Variants in LINGO2 observed in about 807,000 individuals in gnomAD.
The protein encoded by LINGO2 is leucine-rich repeat and immunoglobulin-like domain-containing nogo receptor-interacting protein 2.
LINGO2 carries 14 observed loss-of-function variants against 30.6 expected under a neutral mutation model. The ratio of observed to expected loss-of-function variants is 0.46; its 90% CI spans 0.30 to 0.72. LINGO2 has a LOEUF of 0.72. LINGO2 is among the 30% of genes least tolerant of loss of function. The pLI, the probability that LINGO2 is intolerant of heterozygous loss-of-function variation, is 0.07. For missense variants in LINGO2, 729 were observed against 751.7 expected, an observed-to-expected ratio of 0.97 and a Z score of 0.35; for synonymous variants, 317 against 288.5, an observed-to-expected ratio of 1.10 and a Z score of -1.00.
chr9:28,529,967 T>C (rs1471085992), intron 1 of LINGO2, among the ~76,000 whole-genome samples: 2 of 152,044 alleles, frequency 1.3e-5, no homozygotes, highest in Non-Finnish European at 2.9e-5. Flanking sequence ...CTCTCTAACA[T>C]AAGGGGATAA....
chr9:29,015,475 C>A, the LINGO2 span, among the ~76,000 whole-genome samples: 1 of 152,060 alleles, frequency 6.6e-6, no homozygotes, highest in Non-Finnish European at 1.5e-5. Flanking sequence ...CCACTCAATT[C>A]AGCCACTTTA....
intron 2 of LINGO2, among the ~76,000 whole-genome samples, chr9:28,473,724 A>T (rs989515074): frequency 2.0e-4 from 31 of 152,236 alleles, no homozygotes; most frequent in African/African-American, 7.2e-4. Flanking sequence ...TCTCTACATT[A>T]CTTAAGGCCA....
At chr9:29,177,606 C>G in the LINGO2 span, among the ~76,000 whole-genome samples, 216 of 152,224 alleles carry the variant, frequency 1.4e-3, no homozygotes, top group Non-Finnish European at 2.4e-3. Context: ...AAATCCAAGA[C>G]TTGAAAAATA....
At chr9:28,096,951 T>TA (rs1247116974) in intron 4 of LINGO2, among the ~76,000 whole-genome samples, 2 of 151,946 alleles carry the variant, frequency 1.3e-5, no homozygotes, top group Non-Finnish European at 2.9e-5. Flanking sequence ...AAGCACATGA[T>TA]AAAAAGGAAC....
chr9:28,019,224 C>T (rs1480691867), intron 4 of LINGO2, among the ~76,000 whole-genome samples: 1 of 151,722 alleles, frequency 6.6e-6, no homozygotes, highest in African/African-American at 2.4e-5. Context: ...CCGTGACATG[C>T]AGTTTGCTAA....
At chr9:28,507,374 C>T (rs1017822127) in intron 1 of LINGO2, among the ~76,000 whole-genome samples, 4 of 152,084 alleles carry the variant, frequency 2.6e-5, no homozygotes, top group Admixed American at 6.6e-5. Flanking sequence ...GAAACTGGAG[C>T]GGTGATGAAG....
the LINGO2 span, among the ~76,000 whole-genome samples, chr9:28,906,965 C>A: frequency 1.3e-5 from 2 of 151,878 alleles, no homozygotes; most frequent in African/African-American, 4.8e-5. Flanking sequence ...TAATACAGAG[C>A]AGAACAAAAC....
chr9:29,174,116 TA>T, the LINGO2 span, among the ~76,000 whole-genome samples: 845 of 146,102 alleles, frequency 5.8e-3, 11 homozygotes, highest in African/African-American at 0.017. Flanking sequence ...ATGCTTTGTC[TA>T]AAAAAAAAAA....
the LINGO2 span, among the ~76,000 whole-genome samples, chr9:29,025,725 C>T: frequency 6.6e-6 from 1 of 152,130 alleles, no homozygotes; most frequent in Admixed American, 6.6e-5. Context: ...CCATAGTCAC[C>T]ATGTTGTGTA....
intron 3 of LINGO2, among the ~76,000 whole-genome samples, chr9:28,368,698 A>G (rs541525368): frequency 6.7e-5 from 10 of 149,914 alleles, no homozygotes; most frequent in South Asian, 2.1e-4. Flanking sequence ...CCGAGTTCAC[A>G]CCATTCTCCT....
the LINGO2 span, among the ~76,000 whole-genome samples, chr9:28,769,489 TATATATATATATATATATATATATATA>T: frequency 1.3e-3 from 8 of 6,192 alleles, no homozygotes; most frequent in Admixed American, 2.2e-3. Flanking sequence ...TATATATATA[TATATATATATATATATATATATATATA>T]TATTTTTTTT....
intron 4 of LINGO2, among the ~76,000 whole-genome samples, chr9:28,071,396 G>C (rs55685611): frequency 0.063 from 9,588 of 151,904 alleles, 890 homozygotes; most frequent in African/African-American, 0.21. Flanking sequence ...AATCTTTATA[G>C]TTTTCTACTG....
intron 4 of LINGO2, among the ~76,000 whole-genome samples, chr9:28,211,521 TAAGG>T (rs1327216110): frequency 1.3e-5 from 2 of 151,230 alleles, no homozygotes; most frequent in Non-Finnish European, 3.0e-5. Context: ...ACCACAATTC[TAAGG>T]AAGAAGGAGC....
the LINGO2 span, among the ~76,000 whole-genome samples, chr9:28,859,055 C>G: frequency 2.0e-5 from 3 of 151,960 alleles, no homozygotes; most frequent in Non-Finnish European, 4.4e-5. Flanking sequence ...ATATTCAACT[C>G]AGAAATTAAA....
At chr9:28,386,681 C>A (rs1821592908) in intron 2 of LINGO2, among the ~76,000 whole-genome samples, 1 of 152,080 alleles carries the variant, frequency 6.6e-6, no homozygotes, top group South Asian at 2.1e-4. Context: ...TCTGTCACAC[C>A]TTCTCCAATA....
At chr9:28,819,441 T>C in the LINGO2 span, among the ~76,000 whole-genome samples, 1 of 152,210 alleles carries the variant, frequency 6.6e-6, no homozygotes, top group African/African-American at 2.4e-5. Flanking sequence ...ACATCTGATA[T>C]GGCATATTGG....
At chr9:28,326,132 G>A (rs751006200) in intron 3 of LINGO2, among the ~76,000 whole-genome samples, 1 of 152,160 alleles carries the variant, frequency 6.6e-6, no homozygotes, top group African/African-American at 2.4e-5. Context: ...TCAGCCTCCC[G>A]AGTAGCTGGA....
intron 5 of LINGO2, among the ~76,000 whole-genome samples, chr9:27,963,661 C>CTT (rs140507820): frequency 1.3e-4 from 19 of 150,102 alleles, no homozygotes; most frequent in African/African-American, 4.7e-4. Flanking sequence ...ATCTATAAGA[C>CTT]TTTTTTGTTT....
intron 1 of LINGO2, among the ~76,000 whole-genome samples, chr9:28,494,612 T>G (rs893522754): frequency 3.3e-5 from 5 of 152,214 alleles, no homozygotes; most frequent in Non-Finnish European, 7.3e-5. Context: ...TAATCCAGTC[T>G]ATAATTGATG....
Sources: allele counts gnomAD v4.1 joint callset (sites outside exome capture counted in the v4.1 genomes callset), GRCh38; gene constraint gnomAD v4.1.1; transcripts MANE v1.5; gene names NCBI Gene and HGNC (gene_info 2026-07-23, HGNC 2026-07-21).